The following MFN2 variants were observed in gnomAD, a reference collection of about 807,000 sequenced individuals.
The protein encoded by MFN2 is mitofusin-2.
A neutral mutation model predicts 87.5 loss-of-function variants in MFN2; 43 were observed. The ratio of observed to expected loss-of-function variants is 0.49; its 90% confidence interval spans 0.38 to 0.63. The LOEUF is 0.63. Ranked by LOEUF, MFN2 falls within the 30% of genes least tolerant of loss-of-function variation. MFN2 has a pLI of 0.00. For missense variants in MFN2, 743 were observed against 972.8 expected (o/e 0.76, Z 3.14); for synonymous variants, 337 against 359.9 (o/e 0.94, Z 0.72).
At chr1:11,995,198 C>G (rs927721801) in intron 4 of MFN2, among the ~76,000 whole-genome samples, 22 of 151,738 alleles carry the variant, frequency 1.4e-4, no homozygotes, top group African/African-American at 5.3e-4. Context: ...ATGGTCGAGG[C>G]TGCAGTGAGC....
intron 11 of MFN2, among the ~76,000 whole-genome samples, chr1:12,002,790 CT>C (rs1490044575): frequency 6.6e-6 from 1 of 152,218 alleles, no homozygotes; most frequent in East Asian, 1.9e-4. Context: ...CCTTTTGATT[CT>C]TTTGCACTTG....
intron 3 of MFN2, 77 bp from the exon 4 acceptor site, chr1:11,992,478 C>T (rs1467831232): frequency 6.3e-6 from 10 of 1,577,868 alleles, no homozygotes; most frequent in Admixed American, 1.7e-5. Context: ...GCAGGGCCGG[C>T]GCTCTGGCCC....
At chr1:11,986,844 A>G (rs1423617124) in intron 2 of MFN2, among the ~76,000 whole-genome samples, 1 of 151,906 alleles carries the variant, frequency 6.6e-6, no homozygotes. Context: ...CCCAAAGTGC[A>G]GGGATTATAG....
Position 11,981,123 on chromosome 1 carries a change from C to T in MFN2, c.-150+639C>T, listed in dbSNP as rs1245984568. Among the ~76,000 whole-genome samples the T allele has an allele frequency of 3.9e-5, 6 of 152,220 alleles. No individual in the cohort carries two copies. The South Asian group carries it at 6.2e-4, about 16-fold the overall frequency. ...ACCCAGAAAAGGGCTCTGGTTATCT[C>T]TTTTCTACCCAGAAAAGGGCTCTGG... is the stretch of plus-strand genomic sequence containing the variant. On this transcript the variant is annotated intron_variant, in intron 1 of 18. Coordinates refer to ENST00000235329, the MANE Select transcript of MFN2 (RefSeq NM_014874.4).
In MFN2 at chr1:12,013,108, G is replaced by A; in HGVS notation, c.*1543G>A. 1 of 344,756 alleles carries A rather than the reference G, an allele frequency of 2.9e-6. No individual in the cohort carries two copies. The allele number at this position is 344,756 out of a possible 1,614,324, so 21.4% of individuals were successfully genotyped here. A position where few individuals can be genotyped will look rare whatever the true frequency, so the allele number is the denominator to read the frequency against. On this transcript the variant is annotated 3_prime_UTR_variant, in exon 19 of 19. Transcript: ENST00000235329. ...CTGTGGGTGGATGTTCCCGGCGTGT[G>A]CCGGGCCTGAATGGACAGGGGCCAC...
intron 2 of MFN2, among the ~76,000 whole-genome samples, chr1:11,983,163 C>T (rs1191258325): frequency 6.6e-6 from 1 of 152,130 alleles, no homozygotes; most frequent in African/African-American, 2.4e-5. Flanking sequence ...AGCTCTGCCT[C>T]CCAGGTTCAC....
chr1:11,999,341 T>A (rs1364431909), intron 8 of MFN2, among the ~76,000 whole-genome samples: 1 of 152,184 alleles, frequency 6.6e-6, no homozygotes, highest in Non-Finnish European at 1.5e-5. Context: ...GCTGCATTAG[T>A]GCATCTTCAG....
intron 15 of MFN2, 43 bp from the exon 16 acceptor site, chr1:12,006,495 A>G (rs756453302): frequency 5.0e-6 from 8 of 1,610,662 alleles, no homozygotes; most frequent in Non-Finnish European, 5.1e-6. Flanking sequence ...TGAATGAGAG[A>G]CTCAATACGT....
At chr1:12,000,466 G>A (rs112114746) in intron 8 of MFN2, among the ~76,000 whole-genome samples, 2,392 of 152,168 alleles carry the variant, frequency 0.016, 35 homozygotes, top group African/African-American at 0.037. Flanking sequence ...CTGGGATTAC[G>A]GGCGTGAGCC....
intron 3 of MFN2, among the ~76,000 whole-genome samples, chr1:11,990,718 C>G (rs767490750): frequency 6.6e-6 from 1 of 152,190 alleles, no homozygotes; most frequent in African/African-American, 2.4e-5. Context: ...GGGCAGGTAA[C>G]AAGAGCTTGT....
At chr1:11,990,048 A>T (rs1381307853) in intron 3 of MFN2, among the ~76,000 whole-genome samples, 4 of 152,100 alleles carry the variant, frequency 2.6e-5, no homozygotes, top group Non-Finnish European at 5.9e-5. Flanking sequence ...TGGTTTCCTC[A>T]CTTGTGAAAG....
In MFN2 at chr1:12,003,716, T is replaced by TC. The variant is rs1345760179; in HGVS notation, c.1161-273dup. On this transcript the variant is annotated intron_variant, in intron 11 of 18. Coordinates refer to ENST00000235329, the MANE Select transcript of MFN2 (RefSeq NM_014874.4). This position sits in a 1 kb window ranked among gnomAD's most constrained non-coding sequence, Gnocchi z 4.1. The stretch of plus-strand genomic sequence containing the variant: ...GATTACTAGTGAGGTTGAGCTTTTT[T>TC]CCCTATATTAATTGGCAGAATTTGT... 2.0e-5 allele frequency among the ~76,000 whole-genome samples: 3 copies of TC among 152,146 alleles called. No individual in the cohort carries two copies. The highest frequency in any genetic ancestry group is 6.6e-5 in the Admixed American group (1 of 15,260).
At chr1:11,997,155 C>A in intron 5 of MFN2, 142 bp from the exon 6 acceptor site, 3 of 1,276,852 alleles carry the variant, frequency 2.3e-6, no homozygotes, top group Non-Finnish European at 3.3e-6. Context: ...CAACTCCCAG[C>A]TGTTAACTTT....
Position 11,992,625 on chromosome 1 carries a change from A to G in MFN2, c.246A>G (p.Leu82=). ...AGGTTCTGGACGTCAAAGGTTACCT[A>G]TCCAAAGTGAGAGGCATCAGTGAGG... ...EEQVLDVKGY[L]SKVRGISEVL... Residue 82 remains leucine (L), a synonymous_variant, in exon 4 of 19, where the codon CTA becomes CTG. Transcript: ENST00000235329. The G allele has an allele frequency of 1.2e-6, 2 of 1,614,212 alleles. No individual in the cohort carries two copies. The highest frequency in any genetic ancestry group is 1.7e-6 in the Non-Finnish European group (2 of 1,180,042).
intron 5 of MFN2, 91 bp from the exon 6 acceptor site, chr1:11,997,206 C>T: frequency 1.9e-6 from 3 of 1,586,870 alleles, no homozygotes; most frequent in South Asian, 2.2e-5. Flanking sequence ...GGGCAGCATT[C>T]CCAGCCACTG....
rs557971062 is a variant in MFN2, at chr1:12,012,645, A to G, written c.*1080A>G. 8 of 152,338 alleles carry G rather than the reference A, an allele frequency of 5.3e-5. No homozygotes were observed. The highest frequency in any genetic ancestry group is 1.9e-4 in the African/African-American group (8 of 41,536). 9.4% of individuals were successfully genotyped at this position (152,338 alleles called of 1,614,324 possible). On this transcript the variant is annotated 3_prime_UTR_variant, in exon 19 of 19. Coordinates refer to ENST00000235329, the MANE Select transcript of MFN2 (RefSeq NM_014874.4). ...CTGGACTAAATTTCCTGTGCCAGTGACTGCAGTTGGCCAAGGGACAATGTG... is the reference window on the plus strand; with the variant it reads ...CTGGACTAAATTTCCTGTGCCAGTGGCTGCAGTTGGCCAAGGGACAATGTG...
chr1:12,008,082 A>C (rs1304399150), intron 17 of MFN2, among the ~76,000 whole-genome samples: 1 of 152,232 alleles, frequency 6.6e-6, no homozygotes, highest in Admixed American at 6.5e-5. Flanking sequence ...GTCATAGATC[A>C]ACAGCATCCC....
chr1:12,005,584 T>G, intron 14 of MFN2, 127 bp from the exon 15 acceptor site: 2 of 981,296 alleles, frequency 2.0e-6, no homozygotes, highest in Non-Finnish European at 3.2e-6. Flanking sequence ...TTGACTGGGG[T>G]GTGGTTCCCA....
At chr1:11,988,925 C>G (rs1232437425) in intron 2 of MFN2, among the ~76,000 whole-genome samples, 2 of 152,090 alleles carry the variant, frequency 1.3e-5, no homozygotes, top group African/African-American at 2.4e-5. Context: ...TGGTCTTGAA[C>G]TCCTGACCTC....
Sources: allele counts gnomAD v4.1 joint callset (sites outside exome capture counted in the v4.1 genomes callset), GRCh38; gene constraint gnomAD v4.1.1; non-coding constraint Gnocchi (gnomAD v3.1); transcripts MANE v1.5; gene names NCBI Gene and HGNC (gene_info 2026-07-23, HGNC 2026-07-21).